DST: variants seen among roughly 807,000 people sequenced by gnomAD.
DST encodes the protein bullous pemphigoid antigen.
Under a neutral mutation model 875.2 loss-of-function variants are expected in DST, and 253 were observed. That is an observed-to-expected ratio of 0.29 (90% CI 0.26 to 0.32). The LOEUF is 0.32. DST is among the 10% of genes least tolerant of loss of function. The pLI, the probability that DST is intolerant of heterozygous loss-of-function variation, is 1.00. For missense variants in DST, 8,287 were observed against 9,111.6 expected (o/e 0.91, Z 3.68); for synonymous variants, 3,124 against 3,197.1 (o/e 0.98, Z 0.77).
intron 4 of DST, among the ~76,000 whole-genome samples, chr6:56,845,034 T>TA (rs1489583809): frequency 6.6e-6 from 1 of 152,204 alleles, no homozygotes; most frequent in Non-Finnish European, 1.5e-5. Context: ...AAGTTTAGAA[T>TA]AATGTCTGGT....
At chr6:56,704,245 G>A (rs1411278036) in intron 6 of DST, 35 bp downstream of exon 6, 93 of 1,126,096 alleles carry the variant, frequency 8.3e-5, no homozygotes, top group Non-Finnish European at 9.7e-5. Context: ...AAGATTACAC[G>A]TTCTTCAAAA....
intron 32 of DST, 28 bp from the exon 33 acceptor site, chr6:56,628,189 G>A (rs367866323): frequency 5.7e-5 from 92 of 1,600,728 alleles, no homozygotes; most frequent in Non-Finnish European, 7.3e-5. Context: ...GAATAGTCAC[G>A]GTGTCCAGCG....
chr6:56,493,874 C>A (rs1283763531), intron 83 of DST, 136 bp downstream of exon 83: 4 of 631,866 alleles, frequency 6.3e-6, no homozygotes, highest in Middle Eastern at 4.6e-4. Context: ...CATGAAATCT[C>A]CAAATATATA....
At chr6:56,540,691 G>A (rs2097110502) in intron 61 of DST, 1 of 152,578 alleles carries the variant, frequency 6.6e-6, no homozygotes, top group Non-Finnish European at 1.5e-5. Flanking sequence ...TAATTAATGG[G>A]TCACACTTCA....
intron 9 of DST, among the ~76,000 whole-genome samples, chr6:56,682,074 G>C (rs2099159832): frequency 6.6e-6 from 1 of 152,184 alleles, no homozygotes; most frequent in South Asian, 2.1e-4. Context: ...GAGTGTAACG[G>C]GGAGGTCAAC....
chr6:56,902,508 G>A (rs893220126), intron 2 of DST, among the ~76,000 whole-genome samples: 17 of 152,180 alleles, frequency 1.1e-4, no homozygotes, highest in African/African-American at 3.9e-4. Context: ...TGAAGAAAGA[G>A]ATAATTTTTA....
In DST at chr6:56,642,512, T is replaced by C; in HGVS notation, c.1779-9A>G. The C allele has an allele frequency of 6.2e-7, 1 of 1,611,136 alleles. No homozygotes were observed. Among genetic ancestry groups the C allele is most frequent in the South Asian group, 1.1e-5 (1 of 91,014 alleles). ...GTTGCAACATTTCTAACCTAAAAGA[T>C]GAGACAAAATAAAATAAAGCTTCTC... On this transcript the variant is annotated splice_polypyrimidine_tract_variant and intron_variant, in intron 15 of 103. Coordinates refer to ENST00000680361, the MANE Select transcript of DST (RefSeq NM_001374736.1).
chr6:56,535,649 CTTCT>C (rs1440776239), intron 62 of DST, among the ~76,000 whole-genome samples: 1 of 152,084 alleles, frequency 6.6e-6, no homozygotes, highest in Non-Finnish European at 1.5e-5. Flanking sequence ...ATTTTATTTC[CTTCT>C]AATAAATATC....
chr6:56,765,494 C>T (rs750148590), intron 4 of DST, among the ~76,000 whole-genome samples: 3 of 152,068 alleles, frequency 2.0e-5, no homozygotes, highest in Middle Eastern at 3.4e-3. Context: ...AAATAATGCA[C>T]GAAACATATG....
At chr6:56,626,294 A>T (rs2098734461) in intron 34 of DST, among the ~76,000 whole-genome samples, 1 of 152,254 alleles carries the variant, frequency 6.6e-6, no homozygotes, top group South Asian at 2.1e-4. Flanking sequence ...AACTCACCAA[A>T]GCAACTTCTA....
At chr6:56,763,202 G>T (rs2099621883) in intron 4 of DST, among the ~76,000 whole-genome samples, 1 of 152,004 alleles carries the variant, frequency 6.6e-6, no homozygotes, top group South Asian at 2.1e-4. Flanking sequence ...TCAGGGATTT[G>T]CCATACATGA....
At chr6:56,506,646 T>C (rs777384274) in intron 76 of DST, 21 bp downstream of exon 76, 6 of 1,613,088 alleles carry the variant, frequency 3.7e-6, no homozygotes, top group Non-Finnish European at 5.1e-6. Flanking sequence ...AAAGCCATTC[T>C]GATAAGTAAG....
chr6:56,642,905 T>C (rs762277975), intron 15 of DST: 4 of 1,559,504 alleles, frequency 2.6e-6, no homozygotes, highest in Non-Finnish European at 3.5e-6. Flanking sequence ...TTACAGCTTT[T>C]AGTGGCTCCT....
chr6:56,487,979 C>T (rs2095619129), intron 86 of DST, among the ~76,000 whole-genome samples: 1 of 152,072 alleles, frequency 6.6e-6, no homozygotes, highest in South Asian at 2.1e-4. Context: ...TTATAATTAC[C>T]TAAGAAGTTT....
intron 10 of DST, among the ~76,000 whole-genome samples, chr6:56,660,253 T>A (rs2152811214): frequency 6.6e-6 from 1 of 152,280 alleles, no homozygotes; most frequent in Admixed American, 6.5e-5. Flanking sequence ...CATGGCTGGG[T>A]TCATACAGGC....
chr6:56,940,860 G>A (rs1816189533), intron 2 of DST, among the ~76,000 whole-genome samples: 1 of 152,044 alleles, frequency 6.6e-6, no homozygotes, highest in East Asian at 1.9e-4. Flanking sequence ...AAAATGCTGA[G>A]ATTAGAGGCA....
At chr6:56,846,375 T>C (rs189326913) in intron 4 of DST, among the ~76,000 whole-genome samples, 2 of 152,350 alleles carry the variant, frequency 1.3e-5, no homozygotes, top group Admixed American at 1.3e-4. Context: ...GAGTTCAAAG[T>C]CTGATTCTCC....
chr6:56,471,096 T>C lies in DST; in HGVS notation c.22321+10A>G, dbSNP rs2094870587. On this transcript the variant is annotated intron_variant, in intron 95 of 103. Coordinates refer to ENST00000680361, the MANE Select transcript of DST (RefSeq NM_001374736.1). Reference sequence around the variant, plus strand: ...TTGTATCAGTCATAGTCATCTGTCTTGGAACTTACTTGAGGAAAGAATTCC... The same window carrying C: ...TTGTATCAGTCATAGTCATCTGTCTCGGAACTTACTTGAGGAAAGAATTCC... The C allele has an allele frequency of 1.2e-6, 2 of 1,609,964 alleles. No individual in the cohort carries two copies. The highest frequency in any genetic ancestry group is 1.1e-5 in the South Asian group (1 of 90,136).
chr6:56,741,504 A>G (rs2099546791), intron 4 of DST, among the ~76,000 whole-genome samples: 2 of 152,208 alleles, frequency 1.3e-5, no homozygotes, highest in Admixed American at 1.3e-4. Context: ...CAGGAATGAG[A>G]AAAGAGTTAA....
Sources: allele counts gnomAD v4.1 joint callset (sites outside exome capture counted in the v4.1 genomes callset), GRCh38; gene constraint gnomAD v4.1.1; transcripts MANE v1.5; gene names NCBI Gene and HGNC (gene_info 2026-07-23, HGNC 2026-07-21).